Variants in ST18 observed in about 807,000 individuals in gnomAD.
ST18 encodes suppression of tumorigenicity 18 protein.
ST18 carries 50 observed loss-of-function variants against 110.0 expected under a neutral mutation model. That is an observed-to-expected ratio of 0.45 (90% CI 0.36 to 0.58). ST18 has a LOEUF of 0.58. ST18 is among the 20% of genes least tolerant of loss of function. The pLI is 0.00. For missense variants in ST18, 1,306 were observed against 1,280.1 expected (o/e 1.02, Z -0.31); for synonymous variants, 461 against 452.4 (o/e 1.02, Z -0.24).
intron 23 of ST18, among the ~76,000 whole-genome samples, chr8:52,121,946 A>G (rs1227715877): frequency 2.0e-5 from 3 of 152,168 alleles, no homozygotes; most frequent in Non-Finnish European, 4.4e-5. Context: ...CCCAGGTTCA[A>G]GCGATTCTCC....
Position 52,149,932 on chromosome 8 carries a change from T to C in ST18, c.1852A>G (p.Met618Val), listed in dbSNP as rs930875191. Reference protein sequence around the residue: ...VDENGTLDLSMKKNRILDKSA... With the variant: ...VDENGTLDLSVKKNRILDKSA... ...TTGTCCAGGATTCGATTTTTTTTCA[T>C]GCTTAAGTCCAATGTGCCATTTTCA... The change falls in exon 16 of 26, where the codon ATG becomes GTG. Residue 618 changes from methionine (M) to valine (V), a missense_variant. By Grantham distance (21) the Met-to-Val change is conservative. Transcript: ENST00000689386. The C allele has an allele frequency of 1.9e-6, 3 of 1,614,020 alleles. No homozygotes were observed. The highest frequency in any genetic ancestry group is 1.1e-5 in the South Asian group (1 of 91,076).
intron 22 of ST18, among the ~76,000 whole-genome samples, chr8:52,127,812 TAA>T (rs11295842): frequency 4.4e-4 from 63 of 143,968 alleles, no homozygotes; most frequent in African/African-American, 7.0e-4. Context: ...AATCTTAAAT[TAA>T]AAAAAAAAAA....
intron 2 of ST18, among the ~76,000 whole-genome samples, chr8:52,346,017 T>C (rs6990695): frequency 0.022 from 3,391 of 151,718 alleles, 124 homozygotes; most frequent in African/African-American, 0.079. Context: ...ATCAAATATA[T>C]CAATGGAAAA....
intron 2 of ST18, among the ~76,000 whole-genome samples, chr8:52,366,068 T>C (rs988450784): frequency 6.6e-6 from 1 of 152,092 alleles, no homozygotes; most frequent in Non-Finnish European, 1.5e-5. Flanking sequence ...ATGAGGTGAA[T>C]GACACTGGGA....
chr8:52,380,585 T>C lies in ST18; in HGVS notation c.-465+28743A>G, dbSNP rs537417866. ...AGCACTCCCTATATATTCTTCTATC[T>C]TTGTGTAAAACATTAGAGGCAAATC... is the stretch of plus-strand genomic sequence containing the variant. On this transcript the variant is annotated intron_variant, in intron 2 of 25. Coordinates refer to ENST00000689386, the MANE Select transcript of ST18 (RefSeq NM_001352837.2). Among the ~76,000 whole-genome samples the C allele has an allele frequency of 7.9e-5, 12 of 152,270 alleles. 1 individual carries two copies. The South Asian group carries it at 2.5e-3, about 32-fold the overall frequency.
At chr8:52,389,917 A>T (rs1838698294) in intron 2 of ST18, among the ~76,000 whole-genome samples, 1 of 152,138 alleles carries the variant, frequency 6.6e-6, no homozygotes, top group African/African-American at 2.4e-5. Flanking sequence ...ATTTTTCCGT[A>T]TATTTACTCC....
chr8:52,321,212 T>C (rs1803752832), intron 2 of ST18, among the ~76,000 whole-genome samples: 2 of 152,116 alleles, frequency 1.3e-5, no homozygotes, highest in Admixed American at 1.3e-4. Context: ...GGCTACCTTT[T>C]GGAGGGGACA....
chr8:52,113,360 T>G lies in ST18; in HGVS notation c.3004-22A>C. The G allele has an allele frequency of 1.9e-6, 3 of 1,612,394 alleles. No individual in the cohort carries two copies. In the South Asian group the frequency reaches 3.3e-5, roughly 18 times the overall value. Reference sequence around the variant, plus strand: ...GTCCCTAAATGGAGACAAAACACATTGACCCAATCACAGTGGTTCAGGCTG... The same window carrying G: ...GTCCCTAAATGGAGACAAAACACATGGACCCAATCACAGTGGTTCAGGCTG... On this transcript the variant is annotated intron_variant, in intron 25 of 25. Coordinates refer to ENST00000689386, the MANE Select transcript of ST18 (RefSeq NM_001352837.2).
chr8:52,197,241 T>TA, intron 8 of ST18, among the ~76,000 whole-genome samples: 1 of 152,360 alleles, frequency 6.6e-6, no homozygotes, highest in East Asian at 1.9e-4. Flanking sequence ...TTCATGTACC[T>TA]AAACTTAAGT....
intron 2 of ST18, among the ~76,000 whole-genome samples, chr8:52,341,333 G>T (rs573877818): frequency 6.6e-6 from 1 of 152,276 alleles, no homozygotes; most frequent in African/African-American, 2.4e-5. Context: ...ATGCAAATTA[G>T]GTTCAACTTC....
chr8:52,386,104 G>A (rs961047223), intron 2 of ST18, among the ~76,000 whole-genome samples: 12 of 152,112 alleles, frequency 7.9e-5, no homozygotes, highest in Non-Finnish European at 1.3e-4. Context: ...TTCATCACAG[G>A]AAAACTATAG....
intron 2 of ST18, among the ~76,000 whole-genome samples, chr8:52,347,065 G>T (rs1225024580): frequency 6.6e-6 from 1 of 152,236 alleles, no homozygotes; most frequent in East Asian, 1.9e-4. Flanking sequence ...TCCCTAGAGT[G>T]ATCCAGCAGT....
At chr8:52,246,550 A>T (rs1198705017) in intron 2 of ST18, 1 of 152,204 alleles carries the variant, frequency 6.6e-6, no homozygotes, top group African/African-American at 2.4e-5. Context: ...TTAATCACAT[A>T]TACTTAAGGT....
intron 8 of ST18, among the ~76,000 whole-genome samples, chr8:52,207,031 C>A (rs2135756550): frequency 6.6e-6 from 1 of 152,082 alleles, no homozygotes; most frequent in East Asian, 1.9e-4. Flanking sequence ...AAACTCATGA[C>A]CACTAAAGGA....
intron 2 of ST18, among the ~76,000 whole-genome samples, chr8:52,365,865 ATT>A (rs34886267): frequency 7.7e-5 from 11 of 142,674 alleles, no homozygotes; most frequent in Non-Finnish European, 7.7e-5. Context: ...TGCCTAGCTA[ATT>A]TTTTTTTTTT....
At chr8:52,163,378 C>T (rs1254062128) in intron 13 of ST18, among the ~76,000 whole-genome samples, 1 of 152,120 alleles carries the variant, frequency 6.6e-6, no homozygotes, top group Non-Finnish European at 1.5e-5. Context: ...GATTTTATGG[C>T]AATAAACATA....
intron 19 of ST18, among the ~76,000 whole-genome samples, chr8:52,134,605 C>CA (rs2051191099): frequency 6.7e-6 from 1 of 149,292 alleles, no homozygotes; most frequent in Non-Finnish European, 1.5e-5. Context: ...AACAAATTGC[C>CA]TTTTTTTTTT....
chr8:52,229,155 C>T (rs16917539), intron 3 of ST18, among the ~76,000 whole-genome samples: 34,013 of 152,142 alleles, frequency 0.22, 4,281 homozygotes, highest in African/African-American at 0.33. Flanking sequence ...TCATAGGATT[C>T]AGACTGCCAG....
chr8:52,159,585 T>C (rs2060897943), intron 14 of ST18, among the ~76,000 whole-genome samples: 1 of 152,210 alleles, frequency 6.6e-6, no homozygotes, highest in Admixed American at 6.5e-5. Flanking sequence ...TACTTAGACA[T>C]GGAATTGTAT....
Sources: gnomAD v4.1 joint callset for allele counts (sites outside exome capture counted in the v4.1 genomes callset) on GRCh38, gnomAD v4.1.1 for gene constraint, MANE v1.5 for transcripts, NCBI Gene and HGNC (gene_info 2026-07-23, HGNC 2026-07-21) for gene names.